The following NBAS variants were observed in gnomAD, a reference collection of about 807,000 sequenced individuals.
The protein encoded by NBAS is NAG/BC035112 fusion.
Under a neutral mutation model 302.5 loss-of-function variants are expected in NBAS, and 219 were observed. That is an observed-to-expected ratio of 0.72 (90% CI 0.65 to 0.81). The LOEUF (loss-of-function observed/expected upper bound fraction) is 0.81, where lower values mean the gene tolerates loss of function less well. Ranked by LOEUF, NBAS falls within the 30% of genes least tolerant of loss-of-function variation. The probability of loss-of-function intolerance (pLI) is 0.00; values close to 1 mark genes in which losing one functional copy is unlikely to be tolerated. For synonymous variants in NBAS, 1,118 were observed against 1,021.6 expected, an observed-to-expected ratio of 1.09 and a Z score of -1.80; for missense variants, 2,932 against 2,841.6, an observed-to-expected ratio of 1.03 and a Z score of -0.72.
intron 44 of NBAS, among the ~76,000 whole-genome samples, chr2:15,264,690 G>T (rs1018976992): frequency 6.6e-6 from 1 of 152,156 alleles, no homozygotes; most frequent in African/African-American, 2.4e-5. Flanking sequence ...AAACACGGGA[G>T]CAGTTATCTA....
At chr2:15,113,741 C>T in the NBAS span, among the ~76,000 whole-genome samples, 3 of 151,860 alleles carry the variant, frequency 2.0e-5, no homozygotes, top group Admixed American at 1.3e-4. Context: ...ACTAAATAAA[C>T]GGAATGGAGT....
At chr2:14,822,431 A>T in the NBAS span, among the ~76,000 whole-genome samples, 5 of 152,178 alleles carry the variant, frequency 3.3e-5, no homozygotes, top group African/African-American at 1.2e-4. Context: ...AGCTGTCTTC[A>T]TGGACTCTTC....
At chr2:15,106,451 GTCTCTCTCTC>G in the NBAS span, among the ~76,000 whole-genome samples, 2 of 147,858 alleles carry the variant, frequency 1.4e-5, no homozygotes, top group African/African-American at 5.1e-5. Context: ...CTCTGTCTCT[GTCTCTCTCTC>G]TCTCTCTCTC....
intron 28 of NBAS, among the ~76,000 whole-genome samples, chr2:15,390,841 G>A (rs1305683767): frequency 1.3e-5 from 2 of 152,216 alleles, no homozygotes; most frequent in East Asian, 3.9e-4. Flanking sequence ...GCGGCCAGGC[G>A]TGGTGGCTCA....
chr2:15,218,768 C>G lies in NBAS; in HGVS notation c.6432+5G>C, dbSNP rs367868811. 8.1e-6 allele frequency: 13 copies of G among 1,614,104 alleles called. No homozygotes were observed. The highest frequency in any genetic ancestry group is 1.3e-5 in the African/African-American group (1 of 74,950). On this transcript the variant is annotated splice_donor_5th_base_variant and intron_variant, in intron 48 of 51. Transcript: ENST00000281513. Reference sequence around the variant, plus strand: ...AGAAAAATAATCATTCAGACACTCCCTTACCTGTCTCTGGGGCCAGGAGGC... The same window carrying G: ...AGAAAAATAATCATTCAGACACTCCGTTACCTGTCTCTGGGGCCAGGAGGC...
the NBAS span, among the ~76,000 whole-genome samples, chr2:14,910,911 A>G: frequency 2.6e-5 from 4 of 152,240 alleles, no homozygotes; most frequent in Non-Finnish European, 4.4e-5. Flanking sequence ...CAAAATTCCA[A>G]TACTCTTTGG....
At chr2:14,836,494 C>T in the NBAS span, among the ~76,000 whole-genome samples, 1 of 151,816 alleles carries the variant, frequency 6.6e-6, no homozygotes, top group African/African-American at 2.4e-5. Flanking sequence ...TTTCTTTTCT[C>T]CCATGTGGAT....
the NBAS span, among the ~76,000 whole-genome samples, chr2:14,881,823 T>A: frequency 1.3e-5 from 2 of 152,218 alleles, no homozygotes; most frequent in Non-Finnish European, 2.9e-5. Flanking sequence ...ATTTACTAGC[T>A]GGCCTTTTAA....
the NBAS span, among the ~76,000 whole-genome samples, chr2:14,976,493 A>G: frequency 1.8e-4 from 28 of 152,312 alleles, no homozygotes; most frequent in African/African-American, 6.3e-4. Context: ...CAGGCATTCA[A>G]TTGAGATCCC....
the NBAS span, among the ~76,000 whole-genome samples, chr2:14,831,471 A>T: frequency 6.6e-6 from 1 of 152,208 alleles, no homozygotes; most frequent in Non-Finnish European, 1.5e-5. Flanking sequence ...ATTTTAGAAA[A>T]TTTCTATTCC....
chr2:15,446,449 T>C (rs1350540459), intron 21 of NBAS, among the ~76,000 whole-genome samples: 1 of 152,108 alleles, frequency 6.6e-6, no homozygotes, highest in Non-Finnish European at 1.5e-5. Flanking sequence ...AATTCTATAC[T>C]CAATAAAATA....
At chr2:15,427,815 AGT>A (rs1677554770) in intron 21 of NBAS, 21 bp from the exon 22 acceptor site, 1 of 1,576,560 alleles carries the variant, frequency 6.3e-7, no homozygotes, top group South Asian at 1.1e-5. Flanking sequence ...AAAAAAAATA[AGT>A]GTTTAAAATT....
chr2:15,523,098 T>C (rs1662755515), intron 9 of NBAS, among the ~76,000 whole-genome samples: 1 of 152,220 alleles, frequency 6.6e-6, no homozygotes, highest in African/African-American at 2.4e-5. Context: ...TCATGACTTT[T>C]CCCTGCTTCC....
At chr2:15,252,620 C>G (rs1276872898) in intron 44 of NBAS, among the ~76,000 whole-genome samples, 4 of 151,988 alleles carry the variant, frequency 2.6e-5, no homozygotes, top group African/African-American at 9.7e-5. Flanking sequence ...GTGCTACCTA[C>G]AGAGTGAGGT....
intron 42 of NBAS, 124 bp from the exon 43 acceptor site, chr2:15,277,225 T>G (rs2148060085): frequency 8.1e-7 from 1 of 1,235,748 alleles, no homozygotes; most frequent in Non-Finnish European, 1.1e-6. Context: ...TCAAAGACAG[T>G]AAACCACCAC....
intron 4 of NBAS, 70 bp from the exon 5 acceptor site, chr2:15,553,543 GA>G (rs1313700027): frequency 2.3e-6 from 3 of 1,318,936 alleles, no homozygotes; most frequent in Non-Finnish European, 3.3e-6. Context: ...AGCACAGATG[GA>G]ATTATTTAAT....
At chr2:14,924,691 AT>A in the NBAS span, among the ~76,000 whole-genome samples, 1 of 151,954 alleles carries the variant, frequency 6.6e-6, no homozygotes. Context: ...TTCAGTTTTC[AT>A]TTTCTCAAAG....
rs568605947 is a variant in NBAS at position 15,354,145 on chromosome 2, G to C, written c.3932-435C>G. 2.6e-5 allele frequency among the ~76,000 whole-genome samples: 4 copies of C among 152,182 alleles called. No homozygotes were observed. The South Asian group carries it at 8.3e-4, about 32-fold the overall frequency. ...AGGACAATAATAACACCTTCCTCTT[G>C]GGTTGTTGAAGGAATTAAGTAACAT... is the stretch of plus-strand genomic sequence containing the variant. On this transcript the variant is annotated intron_variant, in intron 33 of 51. Coordinates refer to ENST00000281513, the MANE Select transcript of NBAS (RefSeq NM_015909.4).
At chr2:15,373,392 G>A (rs1384941105) in intron 31 of NBAS, among the ~76,000 whole-genome samples, 3 of 89,750 alleles carry the variant, frequency 3.3e-5, no homozygotes, top group African/African-American at 7.5e-5. Flanking sequence ...ATGCAACAGC[G>A]TGATCATGGC....
Sources: allele counts gnomAD v4.1 joint callset (sites outside exome capture counted in the v4.1 genomes callset), GRCh38; gene constraint gnomAD v4.1.1; transcripts MANE v1.5; gene names NCBI Gene and HGNC (gene_info 2026-07-23, HGNC 2026-07-21).